The following LDB2 variants were observed in gnomAD, a reference collection of about 807,000 sequenced individuals.
LDB2 encodes LIM domain binding 2.
Under a neutral mutation model 44.3 loss-of-function variants are expected in LDB2, and 12 were observed. The ratio of observed to expected loss-of-function variants is 0.27; its 90% CI spans 0.17 to 0.44. LDB2 has a LOEUF of 0.44. Ranked by LOEUF, LDB2 falls within the 20% of genes least tolerant of loss-of-function variation. LDB2 has a pLI of 1.00. For synonymous variants in LDB2, 164 were observed against 174.8 expected, an observed-to-expected ratio of 0.94 and a Z score of 0.49; for missense variants, 344 against 473.5, an observed-to-expected ratio of 0.73 and a Z score of 2.54.
intron 2 of LDB2, among the ~76,000 whole-genome samples, chr4:16,689,863 C>G (rs970470118): frequency 6.6e-6 from 1 of 152,154 alleles, no homozygotes; most frequent in Non-Finnish European, 1.5e-5. Context: ...TGACATTGAC[C>G]GTGTCTTAGA....
intron 1 of LDB2, among the ~76,000 whole-genome samples, chr4:16,801,853 G>A (rs1777899369): frequency 6.6e-6 from 1 of 152,144 alleles, no homozygotes. Context: ...GTGCTTTCAG[G>A]AAAGAGGCAA....
At chr4:16,657,268 T>A (rs1445872618) in intron 2 of LDB2, among the ~76,000 whole-genome samples, 1 of 152,220 alleles carries the variant, frequency 6.6e-6, no homozygotes, top group Admixed American at 6.5e-5. Context: ...GCATTATCTA[T>A]CTGCTGGATA....
chr4:16,567,367 AGT>A lies in LDB2; in HGVS notation c.615+18553_615+18554del, dbSNP rs752692367. ...TCAACGGTTAGCACTGCAGACATAG[AGT>A]GTGTGTGTGTGTGTGCGCGTGTGTG... On this transcript the variant is annotated intron_variant, in intron 5 of 7. Coordinates refer to ENST00000304523, the MANE Select transcript of LDB2 (RefSeq NM_001290.5). Among the ~76,000 whole-genome samples the A allele has an allele frequency of 6.5e-3, 539 of 83,136 alleles. 1 individual carries two copies. Among genetic ancestry groups the A allele is most frequent in the Non-Finnish European group, 0.01 (329 of 32,668 alleles). 54.5% of individuals were successfully genotyped at this position (83,136 alleles called of 152,430 possible). A position where few individuals can be genotyped will look rare whatever the true frequency, so the allele number is the denominator to read the frequency against.
chr4:16,502,428 A>G lies in LDB2; in HGVS notation c.*215T>C, dbSNP rs2152185483. ...AGTGCCAGTATCTGTATTACCTGTG[A>G]AGGCCTCCAAGAAAGGGTCATGGAA... On this transcript the variant is annotated 3_prime_UTR_variant, in exon 8 of 8. Coordinates refer to ENST00000304523, the MANE Select transcript of LDB2 (RefSeq NM_001290.5). 3.3e-6 allele frequency: 2 copies of G among 615,362 alleles called. No homozygotes were observed. Among genetic ancestry groups the G allele is most frequent in the East Asian group, 5.8e-5 (2 of 34,760 alleles). 38.1% of individuals were successfully genotyped at this position (615,362 alleles called of 1,614,324 possible). A position where few individuals can be genotyped will look rare whatever the true frequency, so the allele number is the denominator to read the frequency against.
chr4:16,821,746 CAAA>C (rs562184189), intron 1 of LDB2, among the ~76,000 whole-genome samples: 187 of 61,732 alleles, frequency 3.0e-3, no homozygotes, highest in East Asian at 0.021. Context: ...AACATTAAAG[CAAA>C]AAAAAAAAAA....
chr4:16,779,644 C>T (rs1004276381), intron 1 of LDB2, among the ~76,000 whole-genome samples: 8 of 152,176 alleles, frequency 5.3e-5, no homozygotes, highest in Admixed American at 3.3e-4. Flanking sequence ...AAGAGACTAA[C>T]GTTTAGGGCT....
chr4:16,798,024 G>A (rs1022874661), intron 1 of LDB2, among the ~76,000 whole-genome samples: 1 of 134,780 alleles, frequency 7.4e-6, no homozygotes, highest in Non-Finnish European at 1.5e-5. Context: ...GACAGAGCAA[G>A]ACTCTGTCTC....
At chr4:16,762,662 C>T (rs1030526230) in intron 1 of LDB2, among the ~76,000 whole-genome samples, 1 of 152,168 alleles carries the variant, frequency 6.6e-6, no homozygotes, top group African/African-American at 2.4e-5. Flanking sequence ...TCCCATGACA[C>T]ATGGGGATTA....
chr4:16,867,337 A>C (rs1715052336), intron 1 of LDB2, among the ~76,000 whole-genome samples: 1 of 152,236 alleles, frequency 6.6e-6, no homozygotes, highest in Non-Finnish European at 1.5e-5. Flanking sequence ...GGTAAAATTT[A>C]AAGTAAACAC....
chr4:16,843,900 G>A (rs1786389026), intron 1 of LDB2, among the ~76,000 whole-genome samples: 1 of 152,028 alleles, frequency 6.6e-6, no homozygotes, highest in African/African-American at 2.4e-5. Flanking sequence ...TTACAGGTGT[G>A]AGCTGCCACG....
intron 1 of LDB2, among the ~76,000 whole-genome samples, chr4:16,793,492 A>T (rs1776164050): frequency 6.6e-6 from 1 of 152,142 alleles, no homozygotes; most frequent in South Asian, 2.1e-4. Flanking sequence ...TGCCATTTGA[A>T]GCTTCTTATT....
chr4:16,509,276 A>G (rs1720781884), intron 6 of LDB2, among the ~76,000 whole-genome samples: 1 of 152,212 alleles, frequency 6.6e-6, no homozygotes, highest in Non-Finnish European at 1.5e-5. Context: ...GGGATTCCCA[A>G]GTTCAGAAGG....
chr4:16,640,235 A>G (rs1034169586), intron 2 of LDB2, among the ~76,000 whole-genome samples: 1 of 152,196 alleles, frequency 6.6e-6, no homozygotes, highest in African/African-American at 2.4e-5. Flanking sequence ...TACAAAAAAG[A>G]TATATTTAAT....
chr4:16,632,841 A>G (rs966302406), intron 2 of LDB2, among the ~76,000 whole-genome samples: 4 of 152,190 alleles, frequency 2.6e-5, no homozygotes, highest in Non-Finnish European at 5.9e-5. Flanking sequence ...TGTTGGTGGG[A>G]GTGTAAATTA....
chr4:16,828,491 G>T (rs1783465670), intron 1 of LDB2, among the ~76,000 whole-genome samples: 2 of 152,184 alleles, frequency 1.3e-5, no homozygotes, highest in Admixed American at 1.3e-4. Flanking sequence ...TCTTGGATGT[G>T]TGATTGTGTG....
At chr4:16,893,066 C>G in intron 1 of LDB2, 1 of 968,918 alleles carries the variant, frequency 1.0e-6, no homozygotes, top group Non-Finnish European at 1.2e-6. Flanking sequence ...GTATAAGAGT[C>G]TTACAATTGG....
chr4:16,603,974 T>A (rs1439968824), intron 2 of LDB2, among the ~76,000 whole-genome samples: 1 of 152,168 alleles, frequency 6.6e-6, no homozygotes, highest in African/African-American at 2.4e-5. Context: ...GCTCAAAGAA[T>A]CCTCCTGCCT....
intron 5 of LDB2, among the ~76,000 whole-genome samples, chr4:16,557,159 G>A (rs771641841): frequency 6.6e-6 from 1 of 152,202 alleles, no homozygotes; most frequent in African/African-American, 2.4e-5. Context: ...CAGAAGACGG[G>A]TGATTTCTGC....
At chr4:16,682,528 T>C (rs979072921) in intron 2 of LDB2, among the ~76,000 whole-genome samples, 2 of 152,180 alleles carry the variant, frequency 1.3e-5, no homozygotes, top group African/African-American at 4.8e-5. Flanking sequence ...ACCCAGTAAA[T>C]GTTTATTCTC....
Sources: gnomAD v4.1 joint callset for allele counts (sites outside exome capture counted in the v4.1 genomes callset) on GRCh38, gnomAD v4.1.1 for gene constraint, MANE v1.5 for transcripts, NCBI Gene and HGNC (gene_info 2026-07-23, HGNC 2026-07-21) for gene names.